MYO1E: variants seen among roughly 807,000 people sequenced by gnomAD.
The protein encoded by MYO1E is myosin IE, also known as unconventional myosin-Ie.
MYO1E carries 68 observed loss-of-function variants against 151.1 expected under a neutral mutation model. The observed-to-expected ratio is 0.45, with a 90% CI of 0.37 to 0.55. The LOEUF (loss-of-function observed/expected upper bound fraction) is 0.55. Ranked by LOEUF, MYO1E falls within the 20% of genes least tolerant of loss-of-function variation. The probability of loss-of-function intolerance (pLI) is 0.00; values close to 1 mark genes in which losing one functional copy is unlikely to be tolerated. For synonymous variants in MYO1E, 601 were observed against 501.7 expected, an observed-to-expected ratio of 1.20 and a Z score of -2.64; for missense variants, 1,363 against 1,389.3, an observed-to-expected ratio of 0.98 and a Z score of 0.30.
chr15:59,363,273 G>A (rs558827440), intron 1 of MYO1E, among the ~76,000 whole-genome samples: 12 of 152,168 alleles, frequency 7.9e-5, no homozygotes, highest in Non-Finnish European at 1.2e-4. Flanking sequence ...CACCATGCCC[G>A]GCCAGTATTA....
chr15:59,151,065 GTGCA>G (rs2079474986), intron 26 of MYO1E, among the ~76,000 whole-genome samples: 1 of 143,550 alleles, frequency 7.0e-6, no homozygotes, highest in African/African-American at 2.7e-5. Context: ...GCGCGCGCAC[GTGCA>G]CTTAGAGAGA....
intron 26 of MYO1E, among the ~76,000 whole-genome samples, chr15:59,146,476 C>T (rs1050235334): frequency 6.6e-6 from 1 of 151,716 alleles, no homozygotes; most frequent in South Asian, 2.1e-4. Context: ...CCACCACGCC[C>T]GACTAATTTT....
intron 18 of MYO1E, among the ~76,000 whole-genome samples, chr15:59,183,182 A>G (rs1156253793): frequency 1.3e-5 from 2 of 151,826 alleles, no homozygotes; most frequent in African/African-American, 4.8e-5. Context: ...GAGTGCATAG[A>G]CTTCCTGCTC....
At chr15:59,277,518 C>G (rs1017940057) in intron 1 of MYO1E, among the ~76,000 whole-genome samples, 2 of 145,536 alleles carry the variant, frequency 1.4e-5, no homozygotes, top group Admixed American at 7.0e-5. Flanking sequence ...GCACTCCAGC[C>G]TGGCAACAGA....
chr15:59,256,770 G>A (rs1462440994), intron 3 of MYO1E, among the ~76,000 whole-genome samples: 2 of 152,094 alleles, frequency 1.3e-5, no homozygotes, highest in African/African-American at 4.8e-5. Context: ...CTTTGGAGAG[G>A]CCTGCCAAAC....
At chr15:59,276,790 C>A (rs2080321892) in intron 1 of MYO1E, among the ~76,000 whole-genome samples, 1 of 152,208 alleles carries the variant, frequency 6.6e-6, no homozygotes, top group South Asian at 2.1e-4. Context: ...TGGAACCTCA[C>A]TGACTGGTGT....
chr15:59,206,184 T>G (rs992054714), intron 14 of MYO1E, among the ~76,000 whole-genome samples: 2 of 152,154 alleles, frequency 1.3e-5, no homozygotes, highest in Non-Finnish European at 2.9e-5. Context: ...TGGGCCTTGA[T>G]TTATACTACC....
At chr15:59,317,956 T>C (rs2080599706) in intron 1 of MYO1E, among the ~76,000 whole-genome samples, 1 of 152,178 alleles carries the variant, frequency 6.6e-6, no homozygotes, top group African/African-American at 2.4e-5. Flanking sequence ...GAAATTTGTT[T>C]CAAGGTAGCT....
At chr15:59,371,258 A>G (rs1215407856) in intron 1 of MYO1E, among the ~76,000 whole-genome samples, 5 of 152,074 alleles carry the variant, frequency 3.3e-5, no homozygotes, top group Admixed American at 1.3e-4. Flanking sequence ...CACTTCCCTC[A>G]GGCTGCTCAC....
intron 26 of MYO1E, among the ~76,000 whole-genome samples, chr15:59,148,373 G>C (rs1175261094): frequency 6.6e-6 from 1 of 152,156 alleles, no homozygotes; most frequent in African/African-American, 2.4e-5. Flanking sequence ...CACACCTCCT[G>C]GGTGGGTGTG....
At chr15:59,271,827 A>G (rs978898558) in intron 2 of MYO1E, among the ~76,000 whole-genome samples, 1 of 152,240 alleles carries the variant, frequency 6.6e-6, no homozygotes, top group Admixed American at 6.5e-5. Context: ...CTCTTTGCAA[A>G]CCAGGACTTC....
intron 4 of MYO1E, among the ~76,000 whole-genome samples, chr15:59,237,590 G>A (rs2080074430): frequency 6.6e-6 from 1 of 152,208 alleles, no homozygotes; most frequent in Admixed American, 6.5e-5. Flanking sequence ...ATGATGGTGG[G>A]AGTTAGTATG....
At position 59,222,975 on chromosome 15, in the gene MYO1E, G is replaced by C. The variant is rs557274293; in HGVS notation, c.910+84C>G. 96 of 1,578,600 alleles carry C rather than the reference G, an allele frequency of 6.1e-5. 1 individual carries two copies. Among genetic ancestry groups the C allele is most frequent in the Admixed American group, 8.4e-5 (5 of 59,404 alleles). On this transcript the variant is annotated intron_variant, in intron 9 of 27. Transcript: ENST00000288235. ...ACTTCTTCCCAATATTCCCATTTGA[G>C]ATCTAAGCAAAGGAAAGTGCTAGGT...
At chr15:59,273,153 C>T (rs2080297812) in intron 1 of MYO1E, among the ~76,000 whole-genome samples, 1 of 152,212 alleles carries the variant, frequency 6.6e-6, no homozygotes, top group African/African-American at 2.4e-5. Context: ...AGGGGAAGGC[C>T]TCATCCCCGC....
intron 1 of MYO1E, among the ~76,000 whole-genome samples, chr15:59,336,466 T>C (rs1420471019): frequency 6.6e-6 from 1 of 152,210 alleles, no homozygotes. Context: ...GCAGTCAGGC[T>C]TTCATAAGTA....
chr15:59,293,758 A>G (rs2080433303), intron 1 of MYO1E, among the ~76,000 whole-genome samples: 1 of 152,124 alleles, frequency 6.6e-6, no homozygotes, highest in Non-Finnish European at 1.5e-5. Flanking sequence ...ACCCTGATAT[A>G]TGGGCCAGCT....
intron 1 of MYO1E, among the ~76,000 whole-genome samples, chr15:59,367,478 G>A (rs556236691): frequency 1.5e-4 from 23 of 152,178 alleles, no homozygotes; most frequent in Non-Finnish European, 3.2e-4. Context: ...TCAATTTGCA[G>A]CCTCACCACT....
chr15:59,271,075 G>C (rs1403237084), intron 2 of MYO1E: 1 of 152,108 alleles, frequency 6.6e-6, no homozygotes, highest in Non-Finnish European at 1.5e-5. Flanking sequence ...GCAGAGTACT[G>C]GTCAGAATGG....
intron 1 of MYO1E, among the ~76,000 whole-genome samples, chr15:59,349,480 T>C (rs2080812047): frequency 6.6e-6 from 1 of 152,004 alleles, no homozygotes; most frequent in Non-Finnish European, 1.5e-5. Context: ...ATTCAGAAAA[T>C]TTCAACTCAC....
Sources: gnomAD v4.1 joint callset for allele counts (sites outside exome capture counted in the v4.1 genomes callset) on GRCh38, gnomAD v4.1.1 for gene constraint, MANE v1.5 for transcripts, NCBI Gene and HGNC (gene_info 2026-07-23, HGNC 2026-07-21) for gene names.